COL4A6: variants seen among roughly 807,000 people sequenced by gnomAD.
COL4A6 encodes collagen type IV alpha 6 chain, also known as collagen alpha-6(IV) chain.
A neutral mutation model predicts 126.7 loss-of-function variants in COL4A6; 59 were observed. The ratio of observed to expected loss-of-function variants is 0.47; its 90% CI spans 0.38 to 0.58. The LOEUF is 0.58. Among genes scored for constraint, COL4A6 ranks in the 20% least tolerant of loss-of-function variants. COL4A6 has a pLI of 0.00. For synonymous variants in COL4A6, 547 were observed against 496.6 expected, an observed-to-expected ratio of 1.10 and a Z score of -1.35; for missense variants, 1,285 against 1,337.3, an observed-to-expected ratio of 0.96 and a Z score of 0.61.
At chrX:108,207,108 T>G (rs1284388175) in intron 8 of COL4A6, among the ~76,000 whole-genome samples, 1 of 111,893 alleles carries the variant, frequency 8.9e-6, no homozygotes, top group African/African-American at 3.2e-5. Flanking sequence ...GTATGTAAAT[T>G]TTATATAAAA....
intron 5 of COL4A6, among the ~76,000 whole-genome samples, chrX:108,216,887 T>C (rs781305614): frequency 4.4e-5 from 5 of 112,810 alleles, no homozygotes; most frequent in Non-Finnish European, 7.5e-5. Flanking sequence ...AGATTCAGGA[T>C]TGACTCCATG....
intron 17 of COL4A6, 94 bp downstream of exon 17, chrX:108,193,534 G>A (rs887067430): frequency 2.4e-5 from 18 of 741,700 alleles, no homozygotes; most frequent in Middle Eastern, 6.0e-4. Context: ...AGCAACAATC[G>A]AGTAACTAAC....
chrX:108,359,641 TTG>T (rs2040039916), intron 2 of COL4A6, among the ~76,000 whole-genome samples: 1 of 112,251 alleles, frequency 8.9e-6, no homozygotes, highest in South Asian at 3.7e-4. Context: ...GGTGCCTACT[TTG>T]TGTTTCAGGA....
chrX:108,362,689 A>C (rs2148069384), intron 2 of COL4A6, among the ~76,000 whole-genome samples: 1 of 112,401 alleles, frequency 8.9e-6, no homozygotes, highest in African/African-American at 3.2e-5. Flanking sequence ...ATATTGAATT[A>C]AAATTTATTT....
intron 3 of COL4A6, among the ~76,000 whole-genome samples, chrX:108,282,870 T>C (rs2037883549): frequency 1.8e-5 from 2 of 108,692 alleles, no homozygotes; most frequent in African/African-American, 3.3e-5. Context: ...AATTGGAAAT[T>C]GTTATTCTCA....
At chrX:108,417,731 C>A (rs746402369) in intron 2 of COL4A6, among the ~76,000 whole-genome samples, 11 of 111,836 alleles carry the variant, frequency 9.8e-5, no homozygotes, top group Non-Finnish European at 1.5e-4. Flanking sequence ...CCCGATACAG[C>A]ATCCTACCTA....
chrX:108,156,649 C>G lies in COL4A6; in HGVS notation c.*351G>C. 3.9e-6 allele frequency: 1 copy of G among 255,710 alleles called. No individual in the cohort carries two copies. Among genetic ancestry groups the G allele is most frequent in the Admixed American group, 6.1e-5 (1 of 16,436 alleles). 21.1% of individuals were successfully genotyped at this position (255,710 alleles called of 1,213,427 possible). A position where few individuals can be genotyped will look rare whatever the true frequency, so the allele number is the denominator to read the frequency against. ...TGTACATGAAGAAATGACTGATTAG[C>G]GATTAGGAAGAGCTTTCCGATCAAG... is the stretch of plus-strand genomic sequence containing the variant. On this transcript the variant is annotated 3_prime_UTR_variant, in exon 45 of 45. Transcript: ENST00000334504.
chrX:108,258,517 C>A (rs1049022083), intron 3 of COL4A6, among the ~76,000 whole-genome samples: 18 of 111,753 alleles, frequency 1.6e-4, no homozygotes, highest in Non-Finnish European at 7.5e-5. Context: ...TATAAGGAAC[C>A]AACTGCAAAA....
chrX:108,215,228 G>A lies in COL4A6; in HGVS notation c.325-1000C>T, dbSNP rs188315887. Among the ~76,000 whole-genome samples the A allele has an allele frequency of 4.9e-3, 551 of 112,142 alleles. 4 individuals carry two copies. The highest frequency in any genetic ancestry group is 9.2e-3 in the Middle Eastern group (2 of 217). On this transcript the variant is annotated intron_variant, in intron 5 of 44. Transcript: ENST00000334504. ...TAGAGAAAATATTCTATAGAATTCTGTTTCATTTTCGTTGTTATTATAGTT... is the reference window on the plus strand; with the variant it reads ...TAGAGAAAATATTCTATAGAATTCTATTTCATTTTCGTTGTTATTATAGTT...
chrX:108,321,634 A>G (rs912852950), intron 2 of COL4A6, among the ~76,000 whole-genome samples: 1 of 111,400 alleles, frequency 9.0e-6, no homozygotes. Flanking sequence ...GACAGTTGGT[A>G]TCATTTGCTA....
At chrX:108,216,359 C>A (rs1260315633) in intron 5 of COL4A6, among the ~76,000 whole-genome samples, 1 of 111,870 alleles carries the variant, frequency 8.9e-6, no homozygotes, top group African/African-American at 3.2e-5. Flanking sequence ...GTTTCCCTTC[C>A]CCAGCTTGAG....
chrX:108,379,151 TTA>T (rs1303067907), intron 2 of COL4A6, among the ~76,000 whole-genome samples: 1 of 112,628 alleles, frequency 8.9e-6, no homozygotes, highest in Non-Finnish European at 1.9e-5. Context: ...GTGTTAGGTA[TTA>T]TGTTTGCCCG....
At chrX:108,280,519 A>T (rs2037778382) in intron 3 of COL4A6, among the ~76,000 whole-genome samples, 1 of 111,837 alleles carries the variant, frequency 8.9e-6, no homozygotes, top group Non-Finnish European at 1.9e-5. Context: ...ACTGACCAAA[A>T]AGAGTCCAGG....
chrX:108,436,702 T>G (rs758878169), intron 2 of COL4A6, among the ~76,000 whole-genome samples: 1 of 112,110 alleles, frequency 8.9e-6, no homozygotes, highest in African/African-American at 3.2e-5. Context: ...AGTCCAGAAT[T>G]TACTTACATA....
chrX:108,267,781 C>T (rs1426857390), intron 3 of COL4A6: 2 of 112,514 alleles, frequency 1.8e-5, no homozygotes, highest in African/African-American at 6.4e-5. Context: ...CTCTTTTTCA[C>T]GTAAGTTACA....
chrX:108,398,548 G>A (rs2041016341), intron 2 of COL4A6, among the ~76,000 whole-genome samples: 1 of 111,006 alleles, frequency 9.0e-6, no homozygotes, highest in Non-Finnish European at 1.9e-5. Flanking sequence ...CTTGTTCTGG[G>A]TGGTAGTTAT....
intron 2 of COL4A6, among the ~76,000 whole-genome samples, chrX:108,333,960 G>A (rs759192918): frequency 1.8e-5 from 2 of 111,259 alleles, no homozygotes; most frequent in Admixed American, 1.9e-4. Context: ...TTGTTAAAAT[G>A]ACCATACTGC....
chrX:108,247,362 G>A (rs1433122827), intron 3 of COL4A6, among the ~76,000 whole-genome samples: 4 of 111,676 alleles, frequency 3.6e-5, no homozygotes, highest in Non-Finnish European at 7.5e-5. Flanking sequence ...TAGTGCATAA[G>A]TGTTTACTAT....
intron 2 of COL4A6, among the ~76,000 whole-genome samples, chrX:108,392,509 CAT>C (rs1259799687): frequency 2.7e-5 from 3 of 109,550 alleles, no homozygotes; most frequent in Admixed American, 1.9e-4. Context: ...CTGATAAGCA[CAT>C]GAGAAGATGC....
Sources: allele counts gnomAD v4.1 joint callset (sites outside exome capture counted in the v4.1 genomes callset), GRCh38; gene constraint gnomAD v4.1.1; transcripts MANE v1.5; gene names NCBI Gene and HGNC (gene_info 2026-07-23, HGNC 2026-07-21).